ALG14: variants seen among roughly 807,000 people sequenced by gnomAD.
ALG14 encodes the protein ALG14 UDP-N-acetylglucosaminyltransferase subunit.
Under a neutral mutation model 22.8 loss-of-function variants are expected in ALG14, and 17 were observed. That is an observed-to-expected ratio of 0.75 (90% CI 0.51 to 1.12). The LOEUF (loss-of-function observed/expected upper bound fraction) is 1.12. Among genes scored for constraint, ALG14 ranks in the 50% most tolerant of loss-of-function variants. ALG14 has a pLI of 0.00. For synonymous variants in ALG14, 89 were observed against 103.7 expected, an observed-to-expected ratio of 0.86 and a Z score of 0.86; for missense variants, 288 against 271.8, an observed-to-expected ratio of 1.06 and a Z score of -0.42.
chr1:95,040,172 A>AAAAT (rs66956744), intron 2 of ALG14, among the ~76,000 whole-genome samples: 50,267 of 143,090 alleles, frequency 0.35, 9,222 homozygotes, highest in African/African-American at 0.41. Flanking sequence ...ACCCTGTCTC[A>AAAAT]AAATAAATAA....
chr1:95,028,838 C>T (rs565663766), intron 2 of ALG14, among the ~76,000 whole-genome samples: 1 of 152,184 alleles, frequency 6.6e-6, no homozygotes, highest in African/African-American at 2.4e-5. Flanking sequence ...GCTGGAACTA[C>T]ATGCCAGAAA....
chr1:95,072,861 G>A lies in ALG14; in HGVS notation c.38C>T (p.Ala13Val), dbSNP rs983938710. 3.1e-6 allele frequency: 5 copies of A among 1,614,058 alleles called. No homozygotes were observed. The highest frequency in any genetic ancestry group is 1.7e-5 in the Admixed American group (1 of 60,004). Residue 13 changes from alanine (A) to valine (V), a missense_variant, in exon 1 of 4, where the codon GCT (alanine) becomes GTT (valine). Transcript: ENST00000370205. ...CVLVLAAAAG[A>V]VAVFLILRIW... ...TCGCAGGATTAGGAAAACCGCCACAGCTCCTGCGGCCGCAGCTAGAACGAG... is the reference window on the plus strand; with the variant it reads ...TCGCAGGATTAGGAAAACCGCCACAACTCCTGCGGCCGCAGCTAGAACGAG...
chr1:94,998,602 C>T (rs1672967735), intron 3 of ALG14, among the ~76,000 whole-genome samples: 1 of 152,128 alleles, frequency 6.6e-6, no homozygotes, highest in Non-Finnish European at 1.5e-5. Flanking sequence ...TAGTTACAAC[C>T]TGAGCAGAAG....
At chr1:95,008,404 T>C (rs751400283) in intron 3 of ALG14, among the ~76,000 whole-genome samples, 1 of 152,232 alleles carries the variant, frequency 6.6e-6, no homozygotes, top group Non-Finnish European at 1.5e-5. Flanking sequence ...ATGTTTCTAT[T>C]ACTGACTTTC....
In ALG14 at chr1:94,980,917, T is replaced by C. The variant is rs1644911181; in HGVS notation, c.*2159A>G. The C allele has an allele frequency of 6.6e-6, 1 of 150,772 alleles. No individual in the cohort carries two copies. Among genetic ancestry groups the C allele is most frequent in the African/African-American group, 2.5e-5 (1 of 40,624 alleles). The allele number at this position is 150,772 out of a possible 1,614,324, so 9.3% of individuals were successfully genotyped here. On this transcript the variant is annotated 3_prime_UTR_variant, in exon 4 of 4. Transcript: ENST00000370205. ...GGACATATGTTTCTGGAAAAAATTA[T>C]AGCATCTTTTCTACAATTCTCTCTG...
intron 3 of ALG14, among the ~76,000 whole-genome samples, chr1:95,021,795 C>T (rs1215071563): frequency 6.6e-6 from 1 of 152,198 alleles, no homozygotes; most frequent in Non-Finnish European, 1.5e-5. Context: ...CCTGTGACCA[C>T]ATCAGTCCCT....
chr1:95,006,478 C>T (rs1673224480), intron 3 of ALG14, among the ~76,000 whole-genome samples: 1 of 152,082 alleles, frequency 6.6e-6, no homozygotes, highest in Non-Finnish European at 1.5e-5. Context: ...CATGGAAACA[C>T]TTCAGAGAGG....
intron 2 of ALG14, among the ~76,000 whole-genome samples, chr1:95,055,828 TAAAAAAAAAAAAAAAA>T (rs35131311): frequency 3.0e-5 from 1 of 33,018 alleles, no homozygotes; most frequent in Non-Finnish European, 5.2e-5. Context: ...CCGTCTCTAC[TAAAAAAAAAAAAAAAA>T]AAAAAAAAAA....
At chr1:95,057,244 T>C (rs1310165311) in intron 2 of ALG14, among the ~76,000 whole-genome samples, 1 of 151,632 alleles carries the variant, frequency 6.6e-6, no homozygotes, top group Non-Finnish European at 1.5e-5. Flanking sequence ...AATATATATA[T>C]GCACATGCAC....
At position 94,975,852 on chromosome 1, in the gene ALG14, AC is replaced by A. The variant is rs1321749693; in HGVS notation, c.*7223del. The A allele has an allele frequency of 1.1e-4, 17 of 151,466 alleles. No individual in the cohort carries two copies. The highest frequency in any genetic ancestry group is 1.8e-4 in the Non-Finnish European group (12 of 67,964). The allele number at this position is 151,466 out of a possible 1,614,324, so 9.4% of individuals were successfully genotyped here. ...TGTCTCTACTAAAAATACAAAAAAA[AC>A]AAACAAAAAAAAAATTAGCCGGGCG... On this transcript the variant is annotated 3_prime_UTR_variant, in exon 4 of 4. Coordinates refer to ENST00000370205, the MANE Select transcript of ALG14 (RefSeq NM_144988.4).
intron 2 of ALG14, among the ~76,000 whole-genome samples, chr1:95,057,423 T>C (rs1160137128): frequency 6.6e-6 from 1 of 151,808 alleles, no homozygotes; most frequent in Admixed American, 6.6e-5. Flanking sequence ...ACTATTTACA[T>C]AGTATTTACA....
chr1:95,020,493 C>G lies in ALG14; in HGVS notation c.420+6636G>C, dbSNP rs771165205. Among the ~76,000 whole-genome samples, 4 of 150,718 alleles carry G rather than the reference C, an allele frequency of 2.7e-5. No homozygotes were observed. The South Asian group carries it at 8.4e-4, about 32-fold the overall frequency. Reference sequence around the variant, plus strand: ...GTGGCTCACTCCTGTAATCCCAGCACTTTGGGAGGCCGAGGCGGGCAGATC... The same window carrying G: ...GTGGCTCACTCCTGTAATCCCAGCAGTTTGGGAGGCCGAGGCGGGCAGATC... On this transcript the variant is annotated intron_variant, in intron 3 of 3. Transcript: ENST00000370205.
In ALG14 at chr1:94,975,988, G is replaced by A. The variant is rs1672390066; in HGVS notation, c.*7088C>T. 7.4e-6 allele frequency: 1 copy of A among 134,462 alleles called. No individual in the cohort carries two copies. Among genetic ancestry groups the A allele is most frequent in the Admixed American group, 8.3e-5 (1 of 12,026 alleles). The allele number at this position is 134,462 out of a possible 1,614,324, so 8.3% of individuals were successfully genotyped here. ...GCCGAGATCGCGCCACTGCACTTCA[G>A]CCTGGGCAACAGAGCGAGACTCTGT... is the stretch of plus-strand genomic sequence containing the variant. On this transcript the variant is annotated 3_prime_UTR_variant, in exon 4 of 4. Transcript: ENST00000370205.
In ALG14 at chr1:95,064,906, G is replaced by C. The variant is rs767402341; in HGVS notation, c.248C>G (p.Ser83Cys). 6.2e-7 allele frequency: 1 copy of C among 1,613,868 alleles called. No individual in the cohort carries two copies. The highest frequency in any genetic ancestry group is 8.5e-7 in the Non-Finnish European group (1 of 1,179,864). Residue 83 changes from serine to cysteine, a missense_variant, in exon 2 of 4, where the codon TCT becomes TGT. Coordinates refer to ENST00000370205, the MANE Select transcript of ALG14 (RefSeq NM_144988.4). ...TCTATCAGCTCGATCTAGTTCAAAA[G>C]AATTTATTTTATTGGCACTCATTTC... Reference protein sequence around the residue: ...TDEMSANKINSFELDRADRDP... With the variant: ...TDEMSANKINCFELDRADRDP...
intron 2 of ALG14, among the ~76,000 whole-genome samples, chr1:95,042,587 C>T (rs1028466361): frequency 3.3e-5 from 5 of 152,150 alleles, no homozygotes; most frequent in Non-Finnish European, 7.3e-5. Flanking sequence ...TTTGGGTGCC[C>T]CTTGTTTTGG....
At chr1:95,020,619 T>A (rs1673633637) in intron 3 of ALG14, among the ~76,000 whole-genome samples, 1 of 151,026 alleles carries the variant, frequency 6.6e-6, no homozygotes, top group Admixed American at 6.6e-5. Flanking sequence ...ACGCCTGTAA[T>A]CCCAGCTACT....
intron 2 of ALG14, among the ~76,000 whole-genome samples, chr1:95,047,043 C>T (rs916240355): frequency 7.0e-6 from 1 of 142,030 alleles, no homozygotes; most frequent in Non-Finnish European, 1.6e-5. Context: ...TAACGACATG[C>T]CTGTATGAAC....
At chr1:95,004,933 G>C (rs1300303374) in intron 3 of ALG14, among the ~76,000 whole-genome samples, 2 of 152,048 alleles carry the variant, frequency 1.3e-5, no homozygotes, top group Non-Finnish European at 2.9e-5. Context: ...AGCCTCCTGA[G>C]TAGCTGGGAT....
Position 95,064,869 on chromosome 1 carries a change from G to A in ALG14, c.285C>T (p.Asn95=), listed in dbSNP as rs770061631. Residue 95 remains asparagine, a synonymous_variant, in exon 2 of 4, where the codon AAC becomes AAT. Coordinates refer to ENST00000370205, the MANE Select transcript of ALG14 (RefSeq NM_144988.4). ...ELDRADRDPS[N]MYTKYYIHRI... ...AGAAATAGAAATTGTCACTTACCAT[G>A]TTACTAGGGTCTCTATCAGCTCGAT... 5.6e-6 allele frequency: 9 copies of A among 1,608,080 alleles called. No homozygotes were observed. The East Asian group carries it at 2.0e-4, about 36-fold the overall frequency.
Sources: allele counts gnomAD v4.1 joint callset (sites outside exome capture counted in the v4.1 genomes callset), GRCh38; gene constraint gnomAD v4.1.1; transcripts MANE v1.5; gene names NCBI Gene and HGNC (gene_info 2026-07-23, HGNC 2026-07-21).